The following LRP12 variants were observed in gnomAD, a reference collection of about 807,000 sequenced individuals.
LRP12 encodes the protein low-density lipoprotein receptor-related protein 12.
In LRP12, 14 loss-of-function variants were observed where a neutral mutation model predicts 66.0. The ratio of observed to expected loss-of-function variants is 0.21; its 90% CI spans 0.14 to 0.33. The LOEUF is 0.33. Among genes scored for constraint, LRP12 ranks in the 10% least tolerant of loss-of-function variants. The pLI, the probability that LRP12 is intolerant of heterozygous loss-of-function variation, is 1.00. For missense variants in LRP12, 889 were observed against 1,053.4 expected (o/e 0.84, Z 2.16); for synonymous variants, 357 against 359.1 (o/e 0.99, Z 0.07).
At chr8:104,548,006 T>C (rs1811626348) in intron 1 of LRP12, among the ~76,000 whole-genome samples, 1 of 122,220 alleles carries the variant, frequency 8.2e-6, no homozygotes. Flanking sequence ...TTGTATATAA[T>C]ATATAATTGT....
intron 1 of LRP12, among the ~76,000 whole-genome samples, chr8:104,534,954 C>G (rs1811373871): frequency 6.6e-6 from 1 of 151,166 alleles, no homozygotes. Flanking sequence ...ACCAATCTTA[C>G]TATGACTAGT....
rs150977488 is a variant in LRP12 at position 104,537,401 on chromosome 8, C to T, written c.80-5438G>A. Among the ~76,000 whole-genome samples, 563 of 152,158 alleles carry T rather than the reference C, an allele frequency of 3.7e-3. 5 individuals are homozygous for T. The highest frequency in any genetic ancestry group is 0.013 in the African/African-American group (539 of 41,530). On this transcript the variant is annotated intron_variant, in intron 1 of 6. Coordinates refer to ENST00000276654, the MANE Select transcript of LRP12 (RefSeq NM_013437.5). ...AAGCTGCACATGTGTAAGGTGACAC[C>T]ATATAAGAATAGGCAAAGAACTACC...
At chr8:104,536,141 A>G (rs1235469955) in intron 1 of LRP12, among the ~76,000 whole-genome samples, 1 of 152,084 alleles carries the variant, frequency 6.6e-6, no homozygotes, top group East Asian at 1.9e-4. Context: ...CAAGCTCTCC[A>G]CAGTCCGATT....
At chr8:104,517,404 TCTAAA>T (rs1242066513) in intron 2 of LRP12, among the ~76,000 whole-genome samples, 3 of 151,804 alleles carry the variant, frequency 2.0e-5, no homozygotes, top group African/African-American at 7.3e-5. Context: ...AAAAGCATAC[TCTAAA>T]CTAGTTAAAA....
chr8:104,552,233 G>C (rs1811735709), intron 1 of LRP12, among the ~76,000 whole-genome samples: 1 of 151,994 alleles, frequency 6.6e-6, no homozygotes, highest in Non-Finnish European at 1.5e-5. Context: ...CTCTGCATTA[G>C]CTTTAGAACT....
At chr8:104,580,606 A>C (rs1315371053) in intron 1 of LRP12, among the ~76,000 whole-genome samples, 1 of 152,094 alleles carries the variant, frequency 6.6e-6, no homozygotes, top group Non-Finnish European at 1.5e-5. Context: ...CAAGAAAAAA[A>C]CCCATTGAAA....
At position 104,497,161 on chromosome 8, in the gene LRP12, A is replaced by G. The variant is rs1810742108; in HGVS notation, c.1391T>C (p.Val464Ala). 6 of 1,610,330 alleles carry G rather than the reference A, an allele frequency of 3.7e-6. No individual in the cohort carries two copies. The highest frequency in any genetic ancestry group is 4.2e-6 in the Non-Finnish European group (5 of 1,178,276). The change falls in exon 5 of 7, where the codon GTG becomes GCG. Residue 464 changes from valine (V) to alanine (A), a missense_variant. Transcript: ENST00000276654. This position sits in a 1 kb window ranked among gnomAD's most constrained non-coding sequence, Gnocchi z 4.3. Reference sequence around the variant, plus strand: ...AGAATCACACACCCAACTTTCAAACACACAACGATTGTTTTTACAATGGAA... The same window carrying G: ...AGAATCACACACCCAACTTTCAAACGCACAACGATTGTTTTTACAATGGAA... ...GNFHCKNNRC[V>A]FESWVCDSQD...
intron 1 of LRP12, among the ~76,000 whole-genome samples, chr8:104,547,152 G>A (rs2140875014): frequency 7.1e-6 from 1 of 141,278 alleles, no homozygotes; most frequent in East Asian, 2.1e-4. Context: ...ACAATTCTAT[G>A]TTATATCATA....
Position 104,491,233 on chromosome 8 carries a change from G to A in LRP12, c.2020C>T (p.Pro674Ser). 6.2e-7 allele frequency: 1 copy of A among 1,613,966 alleles called. No individual in the cohort carries two copies. Among genetic ancestry groups the A allele is most frequent in the Non-Finnish European group, 8.5e-7 (1 of 1,179,980 alleles). ...MAGASGGVAA[P>S]LPQKVPPTTA... ...GTGGGAGGGACTTTTTGAGGCAAAGGAGCTGCAACCCCACCAGATGCTCCT... is the reference window on the plus strand; with the variant it reads ...GTGGGAGGGACTTTTTGAGGCAAAGAAGCTGCAACCCCACCAGATGCTCCT... Residue 674 changes from proline to serine, a missense_variant, in exon 7 of 7, where the codon CCT (proline) becomes TCT (serine). This residue lies in a region of LRP12 where 800 missense variants were observed against 964.5 expected (regional missense o/e 0.83). Coordinates refer to ENST00000276654, the MANE Select transcript of LRP12 (RefSeq NM_013437.5).
chr8:104,573,524 C>A (rs2140895775), intron 1 of LRP12, among the ~76,000 whole-genome samples: 1 of 152,158 alleles, frequency 6.6e-6, no homozygotes, highest in Non-Finnish European at 1.5e-5. Context: ...ACAGGCTCAT[C>A]TGTATTATCT....
intron 1 of LRP12, among the ~76,000 whole-genome samples, chr8:104,540,861 A>C (rs777520638): frequency 1.2e-4 from 18 of 152,120 alleles, no homozygotes; most frequent in South Asian, 1.0e-3. Context: ...AGCCTCCCGA[A>C]TAGCTGGGAT....
intron 1 of LRP12, among the ~76,000 whole-genome samples, chr8:104,582,877 T>A (rs977981746): frequency 6.6e-6 from 1 of 152,166 alleles, no homozygotes; most frequent in Non-Finnish European, 1.5e-5. Flanking sequence ...TCACTGATGA[T>A]CTTATGTCAT....
chr8:104,491,803 T>C (rs1810636308), intron 6 of LRP12, among the ~76,000 whole-genome samples: 1 of 152,182 alleles, frequency 6.6e-6, no homozygotes, highest in African/African-American at 2.4e-5. Context: ...TTAAAAATGA[T>C]ATTTAATGTA....
intron 2 of LRP12, among the ~76,000 whole-genome samples, chr8:104,524,331 C>A (rs1164473599): frequency 6.6e-6 from 1 of 151,658 alleles, no homozygotes; most frequent in Non-Finnish European, 1.5e-5. Flanking sequence ...TTAAGATTTC[C>A]AGTCAACAGC....
At chr8:104,587,633 A>AC (rs1812354816) in intron 1 of LRP12, among the ~76,000 whole-genome samples, 1 of 152,220 alleles carries the variant, frequency 6.6e-6, no homozygotes, top group Admixed American at 6.5e-5. Context: ...ATTTAGCGTC[A>AC]CTTGCCAGGT....
At chr8:104,568,994 A>C (rs2140892788) in intron 1 of LRP12, among the ~76,000 whole-genome samples, 1 of 152,320 alleles carries the variant, frequency 6.6e-6, no homozygotes, top group East Asian at 1.9e-4. Flanking sequence ...AGCATTATTC[A>C]TAATAGTCCC....
At chr8:104,560,687 T>A (rs1811893143) in intron 1 of LRP12, among the ~76,000 whole-genome samples, 1 of 152,196 alleles carries the variant, frequency 6.6e-6, no homozygotes, top group Non-Finnish European at 1.5e-5. Context: ...TATCCAGCTA[T>A]CTATAATGCT....
intron 1 of LRP12, among the ~76,000 whole-genome samples, chr8:104,546,933 T>TTA (rs1341593833): frequency 1.4e-5 from 2 of 144,680 alleles, no homozygotes; most frequent in Non-Finnish European, 3.0e-5. Flanking sequence ...TAATTATATA[T>TTA]TATATTTTGT....
Position 104,491,657 on chromosome 8 carries a change from G to A in LRP12, c.1714-118C>T, listed in dbSNP as rs1028718075. ...GTTAAAAATTCTGTTACTCATTGTT[G>A]CTTTTGGGTCTAAGAAGGAAAAATT... On this transcript the variant is annotated intron_variant, in intron 6 of 6. Transcript: ENST00000276654. The A allele has an allele frequency of 9.7e-6, 8 of 820,848 alleles. No homozygotes were observed. The African/African-American group carries it at 1.4e-4, about 14-fold the overall frequency. 50.8% of individuals were successfully genotyped at this position (820,848 alleles called of 1,614,324 possible).
Sources: allele counts gnomAD v4.1 joint callset (sites outside exome capture counted in the v4.1 genomes callset), GRCh38; gene constraint gnomAD v4.1.1; regional missense constraint gnomAD v4.1.1; non-coding constraint Gnocchi (gnomAD v3.1); transcripts MANE v1.5; gene names NCBI Gene and HGNC (gene_info 2026-07-23, HGNC 2026-07-21).